IGSF11: variants seen among roughly 807,000 people sequenced by gnomAD.
IGSF11 encodes the protein CXADR like 1.
A neutral mutation model predicts 41.0 loss-of-function variants in IGSF11; 22 were observed. The observed-to-expected ratio is 0.54, with a 90% CI of 0.38 to 0.77. The LOEUF (loss-of-function observed/expected upper bound fraction) is 0.77. Ranked by LOEUF, IGSF11 falls within the 30% of genes least tolerant of loss-of-function variation. IGSF11 has a pLI of 0.00. For synonymous variants in IGSF11, 219 were observed against 201.3 expected (o/e 1.09, Z -0.74); for missense variants, 444 against 530.8 (o/e 0.84, Z 1.61).
At chr3:118,993,956 T>A (rs1247668941) in intron 1 of IGSF11, among the ~76,000 whole-genome samples, 1 of 152,212 alleles carries the variant, frequency 6.6e-6, no homozygotes, top group Middle Eastern at 3.2e-3. Context: ...GCTGCATAAA[T>A]TTTTTAAACA....
intron 1 of IGSF11, among the ~76,000 whole-genome samples, chr3:118,952,142 A>G (rs1944617521): frequency 6.6e-6 from 1 of 152,178 alleles, no homozygotes; most frequent in Non-Finnish European, 1.5e-5. Flanking sequence ...ATCTTAAAGT[A>G]AAAAACACTT....
chr3:118,973,537 A>T (rs1933698208), intron 1 of IGSF11, among the ~76,000 whole-genome samples: 1 of 152,184 alleles, frequency 6.6e-6, no homozygotes, highest in Admixed American at 6.5e-5. Context: ...TGAAATACAA[A>T]GTGGGGTAAG....
rs564320928 is a variant in IGSF11, at chr3:119,115,491, C to T, written c.-13-10286G>A. On this transcript the variant is annotated intron_variant, in intron 1 of 7. Transcript: ENST00000425327. Reference sequence around the variant, plus strand: ...CATTGAAGTTTTGATTTGCATTTCTCTGATGATCAATTATGTTGAGCACCT... The same window carrying T: ...CATTGAAGTTTTGATTTGCATTTCTTTGATGATCAATTATGTTGAGCACCT... 1.6e-4 allele frequency among the ~76,000 whole-genome samples: 25 copies of T among 152,304 alleles called. No homozygotes were observed. In the East Asian group the frequency reaches 4.8e-3, roughly 29 times the overall value.
At chr3:118,959,903 G>T (rs1457018723) in intron 1 of IGSF11, among the ~76,000 whole-genome samples, 3 of 152,110 alleles carry the variant, frequency 2.0e-5, no homozygotes, top group Non-Finnish European at 4.4e-5. Context: ...AAATTAGCTG[G>T]GCGTGGTGGC....
intron 1 of IGSF11, among the ~76,000 whole-genome samples, chr3:119,049,015 T>G (rs1941497569): frequency 6.6e-6 from 1 of 151,532 alleles, no homozygotes; most frequent in Non-Finnish European, 1.5e-5. Flanking sequence ...ATAAGAGCTA[T>G]CTATGACAAA....
At chr3:118,971,314 G>A (rs1316118738) in intron 1 of IGSF11, among the ~76,000 whole-genome samples, 1 of 151,324 alleles carries the variant, frequency 6.6e-6, no homozygotes, top group Admixed American at 6.6e-5. Context: ...ATACCAAAGG[G>A]GAAAACATTT....
intron 1 of IGSF11, among the ~76,000 whole-genome samples, chr3:119,042,775 T>C (rs2110367): frequency 0.17 from 26,488 of 152,080 alleles, 2,804 homozygotes; most frequent in South Asian, 0.29. Flanking sequence ...TCCTGCCAAA[T>C]GTAGGGCAAG....
At chr3:119,109,390 G>C (rs990184711), upstream of IGSF11, among the ~76,000 whole-genome samples, 2 of 152,146 alleles carry the variant, frequency 1.3e-5, no homozygotes, top group Non-Finnish European at 1.5e-5. Context: ...GGTGTTTGTA[G>C]TATTCTCTGA....
intron 1 of IGSF11, among the ~76,000 whole-genome samples, chr3:119,087,065 C>G (rs1394437880): frequency 1.3e-5 from 2 of 152,096 alleles, no homozygotes; most frequent in Non-Finnish European, 2.9e-5. Context: ...TAAGATCTAA[C>G]ATGGAAACGG....
intron 1 of IGSF11, among the ~76,000 whole-genome samples, chr3:118,953,144 A>G (rs1477817892): frequency 2.0e-5 from 3 of 152,086 alleles, no homozygotes; most frequent in African/African-American, 4.8e-5. Context: ...GTGAGAACAC[A>G]TGATGTTTTT....
chr3:119,005,648 G>C (rs1937422716), intron 1 of IGSF11, among the ~76,000 whole-genome samples: 1 of 111,170 alleles, frequency 9.0e-6, no homozygotes, highest in Non-Finnish European at 1.7e-5. Flanking sequence ...AGCTCTTTTA[G>C]GGCAGGCCTG....
At chr3:119,117,211 C>A (rs1048445254) in intron 1 of IGSF11, among the ~76,000 whole-genome samples, 3 of 149,538 alleles carry the variant, frequency 2.0e-5, no homozygotes, top group Admixed American at 2.0e-4. Context: ...AAAAAAAAAA[C>A]TACTCAATCT....
intron 1 of IGSF11, among the ~76,000 whole-genome samples, chr3:119,033,324 G>C (rs1039949182): frequency 6.6e-6 from 1 of 152,176 alleles, no homozygotes; most frequent in African/African-American, 2.4e-5. Flanking sequence ...GTAGGACAGA[G>C]AGAAAAACTG....
intron 1 of IGSF11, among the ~76,000 whole-genome samples, chr3:118,967,853 C>A (rs1419930505): frequency 1.3e-5 from 2 of 152,116 alleles, no homozygotes; most frequent in Admixed American, 6.6e-5. Context: ...GCAAGCAGTG[C>A]CACTGAATGA....
At chr3:119,090,504 C>A (rs1265723316) in intron 1 of IGSF11, among the ~76,000 whole-genome samples, 3 of 152,052 alleles carry the variant, frequency 2.0e-5, no homozygotes, top group Non-Finnish European at 4.4e-5. Context: ...CCACAGTAAC[C>A]AAAACAACTT....
intron 1 of IGSF11, among the ~76,000 whole-genome samples, chr3:118,973,964 A>G (rs1227671832): frequency 1.3e-5 from 2 of 152,082 alleles, no homozygotes; most frequent in Non-Finnish European, 2.9e-5. Context: ...GGGCCGGGGG[A>G]AGGAGAGCGT....
intron 1 of IGSF11, among the ~76,000 whole-genome samples, chr3:119,112,368 G>A (rs536739802): frequency 1.2e-4 from 18 of 152,158 alleles, no homozygotes; most frequent in African/African-American, 3.6e-4. Flanking sequence ...AGCAATCAGC[G>A]AGACTCTGTG....
At chr3:119,056,097 C>A (rs1156418755) in intron 1 of IGSF11, among the ~76,000 whole-genome samples, 2 of 151,858 alleles carry the variant, frequency 1.3e-5, no homozygotes, top group African/African-American at 4.8e-5. Flanking sequence ...CAAAAGCTAG[C>A]AGAAGGCAAG....
chr3:118,948,781 C>T (rs551356384), intron 1 of IGSF11, among the ~76,000 whole-genome samples: 4 of 151,868 alleles, frequency 2.6e-5, no homozygotes, highest in Admixed American at 6.6e-5. Context: ...CTGGCTAAAA[C>T]GGTGAGACCC....
Sources: gnomAD v4.1 joint callset for allele counts (sites outside exome capture counted in the v4.1 genomes callset) on GRCh38, gnomAD v4.1.1 for gene constraint, MANE v1.5 for transcripts, NCBI Gene and HGNC (gene_info 2026-07-23, HGNC 2026-07-21) for gene names.